SEMA7A: variants seen among roughly 807,000 people sequenced by gnomAD.
The protein encoded by SEMA7A is semaphorin-7A.
A neutral mutation model predicts 67.5 loss-of-function variants in SEMA7A; 21 were observed. That is an observed-to-expected ratio of 0.31 (90% CI 0.22 to 0.45). The LOEUF (loss-of-function observed/expected upper bound fraction) is 0.45. Ranked by LOEUF, SEMA7A falls within the 20% of genes least tolerant of loss-of-function variation. The pLI is 1.00. For synonymous variants in SEMA7A, 364 were observed against 368.5 expected, an observed-to-expected ratio of 0.99 and a Z score of 0.14; for missense variants, 774 against 908.6, an observed-to-expected ratio of 0.85 and a Z score of 1.90.
intron 1 of SEMA7A, among the ~76,000 whole-genome samples, chr15:74,428,601 A>T (rs924687490): frequency 3.9e-5 from 6 of 152,066 alleles, no homozygotes; most frequent in Non-Finnish European, 2.9e-5. Context: ...AAGGAGGAGG[A>T]GGGTGAGTGG....
Position 74,433,831 on chromosome 15 carries a change from G to T in SEMA7A, c.88C>A (p.Arg30=), listed in dbSNP as rs1342490181. 1.5e-6 allele frequency: 2 copies of T among 1,356,830 alleles called. No homozygotes were observed. Among genetic ancestry groups the T allele is most frequent in the East Asian group, 3.1e-5 (1 of 32,402 alleles). The allele number at this position is 1,356,830 out of a possible 1,614,324, so 84.0% of individuals were successfully genotyped here. A position where few individuals can be genotyped will look rare whatever the true frequency, so the allele number is the denominator to read the frequency against. Residue 30 remains arginine (R), a synonymous_variant, in exon 1 of 14, where the codon CGG becomes AGG. Transcript: ENST00000261918. ...GPPARLGLPL[R]LRLLLLLWAA... ...CAGAGCAGCAGCAGCAGCCGCAGCC[G>T]CAGCGGAAGCCCCAACCGAGCCGGC...
intron 1 of SEMA7A, chr15:74,427,334 C>A (rs1230826179): frequency 1.0e-6 from 1 of 985,278 alleles, no homozygotes; most frequent in Admixed American, 6.1e-5. Flanking sequence ...AGGCCAAACT[C>A]CCATGCCAGA....
intron 4 of SEMA7A, 73 bp downstream of exon 4, chr15:74,417,804 T>C: frequency 6.4e-7 from 1 of 1,574,494 alleles, no homozygotes; most frequent in Admixed American, 1.7e-5. Context: ...GCCATCTCCT[T>C]CCCACCATGA....
rs1282024344 is a variant in SEMA7A at position 74,416,072 on chromosome 15, C to A, written c.802-87G>T. The A allele has an allele frequency of 2.2e-6, 3 of 1,364,702 alleles. No individual in the cohort carries two copies. In the African/African-American group the frequency reaches 4.3e-5, roughly 20 times the overall value. The allele number at this position is 1,364,702 out of a possible 1,614,324, so 84.5% of individuals were successfully genotyped here. ...AGGAAACCACTGCCAGCAATATCAA[C>A]ACCTGGGCCCAGAGGAGGAAGGCAG... On this transcript the variant is annotated intron_variant, in intron 7 of 13. Coordinates refer to ENST00000261918, the MANE Select transcript of SEMA7A (RefSeq NM_003612.5).
rs971712383 is a variant in SEMA7A, at chr15:74,433,848, C to A, written c.71G>T (p.Arg24Leu). ...PRARVPGPPARLGLPLRLRLL... is the reference protein window; with the variant it reads ...PRARVPGPPALLGLPLRLRLL... The stretch of plus-strand genomic sequence containing the variant: ...CCGCAGCCGCAGCGGAAGCCCCAAC[C>A]GAGCCGGCGGGCCAGGGACGCGGGC... Residue 24 changes from arginine (R) to leucine (L), a missense_variant, in exon 1 of 14, where the codon CGG (arginine) becomes CTG (leucine). Transcript: ENST00000261918. 37 of 1,323,560 alleles carry A rather than the reference C, an allele frequency of 2.8e-5. No homozygotes were observed. Among genetic ancestry groups the A allele is most frequent in the Admixed American group, 8.1e-5 (2 of 24,744 alleles). The allele number at this position is 1,323,560 out of a possible 1,614,324, so 82.0% of individuals were successfully genotyped here. A position where few individuals can be genotyped will look rare whatever the true frequency, so the allele number is the denominator to read the frequency against.
At position 74,417,648 on chromosome 15, in the gene SEMA7A, C is replaced by G; in HGVS notation, c.493G>C (p.Glu165Gln). ...LVNGTVVPLG[E>Q]MRGYAPFSPD... ...CTGAAGGGGGCGTAGCCTCTCATCT[C>G]GCCAAGTGGCACCACAGTGCCATTC... The change falls in exon 5 of 14, where the codon GAG becomes CAG. Residue 165 changes from glutamate to glutamine, a missense_variant. Glu to Gln is a conservative substitution (Grantham distance 29). Around this residue, in one of 2 missense-constraint regions of SEMA7A, gnomAD observed 347 missense variants for 353.2 expected, o/e 0.98. Coordinates refer to ENST00000261918, the MANE Select transcript of SEMA7A (RefSeq NM_003612.5). The G allele has an allele frequency of 1.2e-6, 2 of 1,612,410 alleles. No individual in the cohort carries two copies. The highest frequency in any genetic ancestry group is 1.7e-6 in the Non-Finnish European group (2 of 1,179,884).
intron 1 of SEMA7A, among the ~76,000 whole-genome samples, chr15:74,425,348 G>A (rs938144151): frequency 6.6e-6 from 1 of 152,208 alleles, no homozygotes; most frequent in Non-Finnish European, 1.5e-5. Flanking sequence ...TGAGGACCAT[G>A]AGACACAGAG....
chr15:74,425,219 CT>C (rs2061034111), intron 1 of SEMA7A, among the ~76,000 whole-genome samples: 1 of 152,228 alleles, frequency 6.6e-6, no homozygotes, highest in South Asian at 2.1e-4. Context: ...CCACCCAACC[CT>C]TCCATCGCAT....
intron 1 of SEMA7A, among the ~76,000 whole-genome samples, chr15:74,430,380 A>G (rs528140549): frequency 9.9e-4 from 151 of 152,320 alleles, no homozygotes; most frequent in Non-Finnish European, 1.9e-3. Flanking sequence ...CTAAGACATT[A>G]AATCTCAGAA....
rs1031429791 is a variant in SEMA7A, at chr15:74,423,626, A to C, written c.179-4674T>G. Among the ~76,000 whole-genome samples the C allele has an allele frequency of 2.6e-5, 4 of 152,116 alleles. No homozygotes were observed. The East Asian group carries it at 5.8e-4, about 22-fold the overall frequency. ...CTAGGTGCCGAGTCACTAACCTGAT[A>C]ACTAAAGGGAATCACCCGCCCACCC... On this transcript the variant is annotated intron_variant, in intron 1 of 13. Transcript: ENST00000261918. The surrounding 1 kb of genome is among the most constrained non-coding windows in gnomAD (Gnocchi z 4.1).
At position 74,433,849 on chromosome 15, in the gene SEMA7A, G is replaced by C; in HGVS notation, c.70C>G (p.Arg24Gly). 7.6e-7 allele frequency: 1 copy of C among 1,321,450 alleles called. No homozygotes were observed. The highest frequency in any genetic ancestry group is 4.1e-5 in the Admixed American group (1 of 24,684). 81.9% of individuals were successfully genotyped at this position (1,321,450 alleles called of 1,614,324 possible). ...CGCAGCCGCAGCGGAAGCCCCAACC[G>C]AGCCGGCGGGCCAGGGACGCGGGCG... is the stretch of plus-strand genomic sequence containing the variant. ...PRARVPGPPA[R>G]LGLPLRLRLL... Residue 24 changes from arginine (R) to glycine (G), a missense_variant, in exon 1 of 14, where the codon CGG becomes GGG. This residue lies in a region of SEMA7A where 347 missense variants were observed against 353.2 expected (regional missense o/e 0.98). Transcript: ENST00000261918.
intron 1 of SEMA7A, among the ~76,000 whole-genome samples, chr15:74,419,848 C>A (rs1385751176): frequency 1.3e-5 from 2 of 152,132 alleles, no homozygotes; most frequent in African/African-American, 4.8e-5. Flanking sequence ...GGAAAATTTT[C>A]CCCAAAAAAG....
chr15:74,430,350 A>C (rs988752569), intron 1 of SEMA7A, among the ~76,000 whole-genome samples: 12 of 152,136 alleles, frequency 7.9e-5, no homozygotes, highest in African/African-American at 2.9e-4. Context: ...AGCCCCTCCC[A>C]TCCCAGAGAG....
Position 74,433,829 on chromosome 15 carries a change from C to T in SEMA7A, c.90G>A (p.Arg30=). The change falls in exon 1 of 14, where the codon CGG becomes CGA. Residue 30 remains arginine, a synonymous_variant. Coordinates refer to ENST00000261918, the MANE Select transcript of SEMA7A (RefSeq NM_003612.5). ...GPPARLGLPL[R]LRLLLLLWAA... is the part of the protein sequence containing the mutation. ...CCCAGAGCAGCAGCAGCAGCCGCAGCCGCAGCGGAAGCCCCAACCGAGCCG... is the reference window on the plus strand; with the variant it reads ...CCCAGAGCAGCAGCAGCAGCCGCAGTCGCAGCGGAAGCCCCAACCGAGCCG... 1 of 1,360,554 alleles carries T rather than the reference C, an allele frequency of 7.3e-7. No homozygotes were observed. The highest frequency in any genetic ancestry group is 1.8e-5 in the South Asian group (1 of 55,798). The allele number at this position is 1,360,554 out of a possible 1,614,324, so 84.3% of individuals were successfully genotyped here.
chr15:74,431,410 T>C (rs959549095), intron 1 of SEMA7A, among the ~76,000 whole-genome samples: 2 of 152,238 alleles, frequency 1.3e-5, no homozygotes, highest in African/African-American at 4.8e-5. Context: ...CAGAGTTCCC[T>C]GCTTTAATCT....
chr15:74,419,938 A>G lies in SEMA7A; in HGVS notation c.179-986T>C, dbSNP rs532528384. Among the ~76,000 whole-genome samples, 14 of 152,244 alleles carry G rather than the reference A, an allele frequency of 9.2e-5. No individual in the cohort carries two copies. The East Asian group carries it at 1.5e-3, about 17-fold the overall frequency. On this transcript the variant is annotated intron_variant, in intron 1 of 13. Coordinates refer to ENST00000261918, the MANE Select transcript of SEMA7A (RefSeq NM_003612.5). The stretch of plus-strand genomic sequence containing the variant: ...TGAGGTTGTCCTGGTTGCAGGAGTA[A>G]ATTATAGGGATGGGATGGCCTGTGG...
At chr15:74,431,751 G>C (rs1405259434) in intron 1 of SEMA7A, among the ~76,000 whole-genome samples, 3 of 152,258 alleles carry the variant, frequency 2.0e-5, no homozygotes, top group Non-Finnish European at 4.4e-5. Flanking sequence ...ATCACCAGCT[G>C]GTGGCCCTGG....
chr15:74,433,531 C>G (rs1200750333), intron 1 of SEMA7A: 2 of 1,205,980 alleles, frequency 1.7e-6, no homozygotes, highest in African/African-American at 3.2e-5. Flanking sequence ...CCGCCGCTCG[C>G]TCGCCGCAGC....
chr15:74,418,954 TGAG>T lies in SEMA7A; in HGVS notation c.179-5_179-3del, dbSNP rs1184074062. The T allele has an allele frequency of 6.2e-7, 1 of 1,612,510 alleles. No homozygotes were observed. On this transcript the variant is annotated splice_region_variant and splice_polypyrimidine_tract_variant and intron_variant, in intron 1 of 13. Transcript: ENST00000261918. ...CCACCCGGTCCTGCCCTACATGGCC[TGAG>T]GAGGAGACAATTAGTAGAAACATTG... is the stretch of plus-strand genomic sequence containing the variant.
Sources: gnomAD v4.1 joint callset for allele counts (sites outside exome capture counted in the v4.1 genomes callset) on GRCh38, gnomAD v4.1.1 for gene constraint, gnomAD v4.1.1 regional missense constraint, Gnocchi (gnomAD v3.1) non-coding constraint, MANE v1.5 for transcripts, NCBI Gene and HGNC (gene_info 2026-07-23, HGNC 2026-07-21) for gene names.